RFX6: variants seen among roughly 807,000 people sequenced by gnomAD.
RFX6 encodes the protein regulatory factor X6, also known as DNA-binding protein RFX6.
Under a neutral mutation model 110.8 loss-of-function variants are expected in RFX6, and 50 were observed. That is an observed-to-expected ratio of 0.45 (90% CI 0.36 to 0.57). The LOEUF is 0.57. RFX6 is among the 20% of genes least tolerant of loss of function. The pLI, the probability that RFX6 is intolerant of heterozygous loss-of-function variation, is 0.00. For synonymous variants in RFX6, 383 were observed against 411.2 expected, an observed-to-expected ratio of 0.93 and a Z score of 0.83; for missense variants, 990 against 1,127.0, an observed-to-expected ratio of 0.88 and a Z score of 1.74.
At chr6:116,927,679 T>C (rs144691682) in intron 17 of RFX6, 140 bp downstream of exon 17, 3 of 752,882 alleles carry the variant, frequency 4.0e-6, no homozygotes, top group African/African-American at 1.8e-5. Context: ...CATTTGGAGC[T>C]GATTTCTGTC....
Position 116,916,320 on chromosome 6 carries a change from C to T in RFX6, c.972+6C>T, listed in dbSNP as rs756655389. On this transcript the variant is annotated splice_donor_region_variant and intron_variant, in intron 9 of 18. Transcript: ENST00000332958. ...GTGACTCAATTCTTTATAAGGTAAG[C>T]ACTTTGGGATGTCTTAAACATGAGC... The T allele has an allele frequency of 2.6e-6, 4 of 1,525,706 alleles. No homozygotes were observed. The South Asian group carries it at 3.4e-5, about 13-fold the overall frequency. The allele number at this position is 1,525,706 out of a possible 1,614,324, so 94.5% of individuals were successfully genotyped here. A position where few individuals can be genotyped will look rare whatever the true frequency, so the allele number is the denominator to read the frequency against.
intron 1 of RFX6, 68 bp from the exon 2 acceptor site, chr6:116,877,728 A>G (rs1387597826): frequency 2.0e-6 from 3 of 1,477,408 alleles, no homozygotes; most frequent in Non-Finnish European, 2.8e-6. Flanking sequence ...AAGTTAAGGT[A>G]CACTTAAAGG....
chr6:116,918,600 GA>G (rs71012344), intron 10 of RFX6, among the ~76,000 whole-genome samples: 35 of 143,594 alleles, frequency 2.4e-4, no homozygotes, highest in African/African-American at 6.4e-4. Context: ...ATAGAATTCT[GA>G]AAAAAAAAAG....
rs1438026615 is a variant in RFX6, at chr6:116,931,546, AT to A, written c.*41del. The A allele has an allele frequency of 4.9e-6, 7 of 1,418,948 alleles. No homozygotes were observed. In the African/African-American group the frequency reaches 9.9e-5, roughly 20 times the overall value. 87.9% of individuals were successfully genotyped at this position (1,418,948 alleles called of 1,614,324 possible). A position where few individuals can be genotyped will look rare whatever the true frequency, so the allele number is the denominator to read the frequency against. The stretch of plus-strand genomic sequence containing the variant: ...AGGGGGTGCTAAAACTTTAAAAAAA[AT>A]CTCTACTGTGCAAATATCATTATTC... On this transcript the variant is annotated 3_prime_UTR_variant, in exon 19 of 19. Transcript: ENST00000332958.
chr6:116,924,895 T>C lies in RFX6; in HGVS notation c.1678+104T>C, dbSNP rs148142431. On this transcript the variant is annotated intron_variant, in intron 15 of 18. Transcript: ENST00000332958. ...AAGTGGGTTTATCATAATCTCAGAG[T>C]TTTTCTCCAAACATGTCATTACTAA... The C allele has an allele frequency of 1.9e-4, 156 of 826,986 alleles. 1 individual carries two copies. In the East Asian group the frequency reaches 4.1e-3, roughly 22 times the overall value. The allele number at this position is 826,986 out of a possible 1,614,324, so 51.2% of individuals were successfully genotyped here.
Position 116,931,777 on chromosome 6 carries a change from AT to A in RFX6, c.*274del. The A allele has an allele frequency of 3.0e-6, 1 of 336,014 alleles. No homozygotes were observed. The highest frequency in any genetic ancestry group is 6.0e-5 in the South Asian group (1 of 16,608). The allele number at this position is 336,014 out of a possible 1,614,324, so 20.8% of individuals were successfully genotyped here. A position where few individuals can be genotyped will look rare whatever the true frequency, so the allele number is the denominator to read the frequency against. On this transcript the variant is annotated 3_prime_UTR_variant, in exon 19 of 19. Coordinates refer to ENST00000332958, the MANE Select transcript of RFX6 (RefSeq NM_173560.4). The stretch of plus-strand genomic sequence containing the variant: ...CCAGTGAAGATCTGAAGATGCAAAC[AT>A]TTCAACTATGAAGATTTACATTTCA...
At chr6:116,902,169 T>C (rs993717661) in intron 6 of RFX6, among the ~76,000 whole-genome samples, 1 of 152,024 alleles carries the variant, frequency 6.6e-6, no homozygotes, top group African/African-American at 2.4e-5. Context: ...GGTAAATTTT[T>C]TAATGTTTGA....
intron 4 of RFX6, among the ~76,000 whole-genome samples, chr6:116,893,652 G>T (rs1428361133): frequency 6.6e-6 from 1 of 152,148 alleles, no homozygotes; most frequent in Admixed American, 6.5e-5. Context: ...CACCCAATTT[G>T]TAAATACATA....
chr6:116,877,990 GACGTTTTA>G (rs747586431), intron 2 of RFX6, 38 bp downstream of exon 2: 1 of 1,599,002 alleles, frequency 6.3e-7, no homozygotes, highest in Non-Finnish European at 8.6e-7. Flanking sequence ...AGCACCTGTT[GACGTTTTA>G]ACAGCCAGCG....
At chr6:116,921,181 C>A (rs1196884909) in intron 12 of RFX6, among the ~76,000 whole-genome samples, 1 of 152,162 alleles carries the variant, frequency 6.6e-6, no homozygotes, top group Non-Finnish European at 1.5e-5. Flanking sequence ...GGGGCCCAAT[C>A]TCAACTCCAC....
chr6:116,877,426 G>A lies in RFX6; in HGVS notation c.151G>A (p.Gly51Arg). 2.5e-6 allele frequency: 4 copies of A among 1,596,582 alleles called. No individual in the cohort carries two copies. Among genetic ancestry groups the A allele is most frequent in the Non-Finnish European group, 3.4e-6 (4 of 1,171,314 alleles). The change falls in exon 1 of 19, where the codon GGG (glycine) becomes AGG (arginine). Residue 51 changes from glycine (G) to arginine (R), a missense_variant. By Grantham distance (125) the Gly-to-Arg change is moderately radical. Coordinates refer to ENST00000332958, the MANE Select transcript of RFX6 (RefSeq NM_173560.4). ...AGAAACAGTGTACCTGGCGGCCGAAGGGCAGCCCGGGGGCGAGCAGGGCGG... is the reference window on the plus strand; with the variant it reads ...AGAAACAGTGTACCTGGCGGCCGAAAGGCAGCCCGGGGGCGAGCAGGGCGG... ...PEETVYLAAE[G>R]QPGGEQGGGE...
rs543136895 is a variant in RFX6 at position 116,879,187 on chromosome 6, TAA to T, written c.380+1236_380+1237del. On this transcript the variant is annotated intron_variant, in intron 2 of 18. Transcript: ENST00000332958. ...GAATAAATGTATACATAAATATATA[TAA>T]GTTAAGATCAAAGAAAAAACTTGTA... Among the ~76,000 whole-genome samples the T allele has an allele frequency of 9.3e-4, 141 of 152,034 alleles. No homozygotes were observed. In the Middle Eastern group the frequency reaches 0.01, roughly 11 times the overall value.
At chr6:116,917,296 G>A (rs567165026) in intron 9 of RFX6, among the ~76,000 whole-genome samples, 60 of 149,614 alleles carry the variant, frequency 4.0e-4, no homozygotes, top group Non-Finnish European at 7.4e-4. Flanking sequence ...TTTAGTTCAA[G>A]TTCAAGTTGA....
At chr6:116,918,264 T>C (rs1205854723) in intron 10 of RFX6, among the ~76,000 whole-genome samples, 178 bp downstream of exon 10, 1 of 152,048 alleles carries the variant, frequency 6.6e-6, no homozygotes, top group East Asian at 1.9e-4. Flanking sequence ...ATAAACAAAA[T>C]GGGTGAAACA....
At chr6:116,910,108 T>A (rs1278619598) in intron 6 of RFX6, among the ~76,000 whole-genome samples, 1 of 152,128 alleles carries the variant, frequency 6.6e-6, no homozygotes, top group Non-Finnish European at 1.5e-5. Flanking sequence ...CCAGGGACAC[T>A]TTATGTCCTT....
intron 6 of RFX6, among the ~76,000 whole-genome samples, chr6:116,908,455 CTTCCTT>C (rs1284182538): frequency 6.6e-6 from 1 of 152,020 alleles, no homozygotes; most frequent in African/African-American, 2.4e-5. Context: ...AATATTGTCT[CTTCCTT>C]TTCGGTACTT....
chr6:116,926,916 T>A, intron 16 of RFX6, 111 bp from the exon 17 acceptor site: 1 of 1,045,134 alleles, frequency 9.6e-7, no homozygotes, highest in Non-Finnish European at 1.5e-6. Context: ...AGGGCAGGAA[T>A]GAAGCAAGCT....
intron 6 of RFX6, among the ~76,000 whole-genome samples, chr6:116,899,219 A>G (rs1469305503): frequency 1.3e-5 from 2 of 152,208 alleles, no homozygotes; most frequent in African/African-American, 4.8e-5. Flanking sequence ...GAAATGACAT[A>G]CCATGTGCCT....
intron 18 of RFX6, among the ~76,000 whole-genome samples, chr6:116,930,582 A>G (rs926959275): frequency 6.6e-6 from 1 of 152,200 alleles, no homozygotes; most frequent in African/African-American, 2.4e-5. Flanking sequence ...TGCTTTCGGT[A>G]GGACAGCTGA....
Sources: gnomAD v4.1 joint callset for allele counts (sites outside exome capture counted in the v4.1 genomes callset) on GRCh38, gnomAD v4.1.1 for gene constraint, MANE v1.5 for transcripts, NCBI Gene and HGNC (gene_info 2026-07-23, HGNC 2026-07-21) for gene names.